The following ADGRG5 variants were observed in gnomAD, a reference collection of about 807,000 sequenced individuals.
ADGRG5 encodes adhesion G protein-coupled receptor G5.
Under a neutral mutation model 53.2 loss-of-function variants are expected in ADGRG5, and 37 were observed. The observed-to-expected ratio is 0.70, with a 90% CI of 0.53 to 0.91. The LOEUF is 0.91. Among genes scored for constraint, ADGRG5 ranks in the 40% least tolerant of loss-of-function variants. The pLI is 0.00. For synonymous variants in ADGRG5, 277 were observed against 290.4 expected (o/e 0.95, Z 0.47); for missense variants, 614 against 675.8 (o/e 0.91, Z 1.01).
chr16:57,547,469 G>A (rs1389701600), intron 1 of ADGRG5, among the ~76,000 whole-genome samples: 5 of 151,932 alleles, frequency 3.3e-5, no homozygotes, highest in African/African-American at 1.2e-4. Flanking sequence ...TTTTTGAGAC[G>A]GAGTCTCGCT....
At chr16:57,571,455 C>G (rs2033355568) in intron 10 of ADGRG5, among the ~76,000 whole-genome samples, 3 of 152,106 alleles carry the variant, frequency 2.0e-5, no homozygotes, top group South Asian at 4.1e-4. Flanking sequence ...GGACTGCGTG[C>G]TACATAGGTG....
rs1330914453 is a variant in ADGRG5, at chr16:57,546,811, C to T, written c.-39+4110C>T. Among the ~76,000 whole-genome samples, 4 of 151,988 alleles carry T rather than the reference C, an allele frequency of 2.6e-5. 1 individual carries two copies. In the East Asian group the frequency reaches 5.8e-4, roughly 22 times the overall value. On this transcript the variant is annotated intron_variant, in intron 1 of 11. Coordinates refer to ENST00000349457, the MANE Select transcript of ADGRG5 (RefSeq NM_001304376.3). ...ATAGCTCACTGCAGCCTCAACCTCC[C>T]GGGCTCAAGTGATCCTCCCACCTCA...
the ADGRG5 span, among the ~76,000 whole-genome samples, chr16:57,535,413 C>T: frequency 6.6e-6 from 1 of 152,100 alleles, no homozygotes; most frequent in African/African-American, 2.4e-5. Context: ...CAACTGAGGC[C>T]CAGAGGGACA....
chr16:57,552,028 C>CTTT (rs58690103), intron 1 of ADGRG5, among the ~76,000 whole-genome samples: 1 of 146,222 alleles, frequency 6.8e-6, no homozygotes, highest in African/African-American at 2.5e-5. Context: ...TGAAATAAAT[C>CTTT]TTTTTTTTTT....
chr16:57,547,433 T>C (rs2032645279), intron 1 of ADGRG5, among the ~76,000 whole-genome samples: 2 of 152,232 alleles, frequency 1.3e-5, no homozygotes, highest in Admixed American at 1.3e-4. Context: ...CATGGCTTTG[T>C]TTTTTGTTTG....
intron 7 of ADGRG5, 52 bp from the exon 8 acceptor site, chr16:57,567,418 G>T: frequency 6.3e-7 from 1 of 1,590,236 alleles, no homozygotes; most frequent in South Asian, 1.1e-5. Flanking sequence ...CTGAGGCTGG[G>T]AGGAAGGGCG....
chr16:57,541,873 G>A (rs1319005538), upstream of ADGRG5, among the ~76,000 whole-genome samples: 2 of 152,214 alleles, frequency 1.3e-5, no homozygotes, highest in Non-Finnish European at 2.9e-5. Context: ...CTGGCTCAAG[G>A]AGAAGCTGGC....
intron 1 of ADGRG5, among the ~76,000 whole-genome samples, chr16:57,558,016 G>A (rs1173787673): frequency 6.6e-6 from 1 of 152,198 alleles, no homozygotes; most frequent in Non-Finnish European, 1.5e-5. Flanking sequence ...TGTGTGTAAT[G>A]GAACAGTAGT....
chr16:57,549,476 G>A (rs907382049), intron 1 of ADGRG5, among the ~76,000 whole-genome samples: 3 of 152,152 alleles, frequency 2.0e-5, no homozygotes, highest in Non-Finnish European at 4.4e-5. Context: ...TCTCTAAGAG[G>A]AGGATCATCA....
chr16:57,567,419 A>G (rs1596792449), intron 7 of ADGRG5, 51 bp from the exon 8 acceptor site: 1 of 1,589,746 alleles, frequency 6.3e-7, no homozygotes, highest in South Asian at 1.1e-5. Context: ...TGAGGCTGGG[A>G]GGAAGGGCGA....
chr16:57,531,221 G>A, the ADGRG5 span, among the ~76,000 whole-genome samples: 34 of 151,784 alleles, frequency 2.2e-4, no homozygotes, highest in Non-Finnish European at 3.7e-4. Flanking sequence ...AGAACTTGCT[G>A]CCTCCATTCC....
intron 1 of ADGRG5, among the ~76,000 whole-genome samples, chr16:57,555,968 C>G (rs112650283): frequency 1.5e-3 from 232 of 152,202 alleles, no homozygotes; most frequent in African/African-American, 5.3e-3. Flanking sequence ...TTCTCTCTCT[C>G]TCTCCCCTGC....
chr16:57,530,928 C>T, the ADGRG5 span, among the ~76,000 whole-genome samples: 1 of 152,022 alleles, frequency 6.6e-6, no homozygotes, highest in East Asian at 2.0e-4. Flanking sequence ...CTGGACCCAC[C>T]GTGGCACCTG....
intron 10 of ADGRG5, among the ~76,000 whole-genome samples, chr16:57,572,186 C>A (rs78647167): frequency 0.029 from 4,394 of 151,428 alleles, 197 homozygotes; most frequent in African/African-American, 0.099. Context: ...AGTTAAAAAC[C>A]AAAAACAGGC....
chr16:57,542,879 G>A (rs141993239), intron 1 of ADGRG5, 178 bp downstream of exon 1: 7 of 152,576 alleles, frequency 4.6e-5, no homozygotes, highest in African/African-American at 1.7e-4. Context: ...CTCCACATCT[G>A]GGGCAATGTA....
At chr16:57,565,231 C>T (rs752824360) in intron 6 of ADGRG5, 81 bp downstream of exon 6, 1 of 759,272 alleles carries the variant, frequency 1.3e-6, no homozygotes, top group African/African-American at 1.8e-5. Context: ...TGACTAGACC[C>T]AAACCTGTGG....
intron 1 of ADGRG5, among the ~76,000 whole-genome samples, chr16:57,557,430 G>A (rs2032908820): frequency 6.6e-6 from 1 of 152,176 alleles, no homozygotes; most frequent in Non-Finnish European, 1.5e-5. Flanking sequence ...GATGTATCTA[G>A]ATGTGTTTTT....
chr16:57,534,106 C>A, the ADGRG5 span, among the ~76,000 whole-genome samples: 1 of 152,148 alleles, frequency 6.6e-6, no homozygotes, highest in South Asian at 2.1e-4. Context: ...AACCCCCACC[C>A]ATCTTCAAGT....
Position 57,574,926 on chromosome 16 carries a change from G to T in ADGRG5, c.1320G>T (p.Arg440Ser). ...CCTGGGCGCTGTGGACCCTGCGCAG[G>T]CTGCGGGAGCGGGCGGATGCACCAA... ...VLAWALWTLR[R>S]LRERADAPSV... The change falls in exon 11 of 12, where the codon AGG becomes AGT. Residue 440 changes from arginine (R) to serine (S), a missense_variant. Arg to Ser is a moderately radical substitution (Grantham distance 110). Coordinates refer to ENST00000349457, the MANE Select transcript of ADGRG5 (RefSeq NM_001304376.3). The surrounding 1 kb of genome is among the most constrained non-coding windows in gnomAD (Gnocchi z 4.4). 6.2e-7 allele frequency: 1 copy of T among 1,613,228 alleles called. No individual in the cohort carries two copies.
Sources: allele counts gnomAD v4.1 joint callset (sites outside exome capture counted in the v4.1 genomes callset), GRCh38; gene constraint gnomAD v4.1.1; non-coding constraint Gnocchi (gnomAD v3.1); transcripts MANE v1.5; gene names NCBI Gene and HGNC (gene_info 2026-07-23, HGNC 2026-07-21).